Variants in CPNE4 observed in about 807,000 individuals in gnomAD.
The protein encoded by CPNE4 is copine 4.
Under a neutral mutation model 67.9 loss-of-function variants are expected in CPNE4, and 25 were observed. The ratio of observed to expected loss-of-function variants is 0.37; its 90% CI spans 0.27 to 0.51. The LOEUF is 0.51. Among genes scored for constraint, CPNE4 ranks in the 20% least tolerant of loss-of-function variants. The probability of loss-of-function intolerance (pLI) is 0.93; values close to 1 mark genes in which losing one functional copy is unlikely to be tolerated. For missense variants in CPNE4, 464 were observed against 690.8 expected, an observed-to-expected ratio of 0.67 and a Z score of 3.68; for synonymous variants, 242 against 244.9, an observed-to-expected ratio of 0.99 and a Z score of 0.11.
intron 2 of CPNE4, among the ~76,000 whole-genome samples, chr3:131,868,277 TA>T (rs1370414848): frequency 2.0e-5 from 3 of 152,188 alleles, no homozygotes; most frequent in Non-Finnish European, 2.9e-5. Context: ...GACACCTCTC[TA>T]CGTTCTGGCA....
At chr3:131,729,129 G>T (rs1259556837) in intron 2 of CPNE4, among the ~76,000 whole-genome samples, 1 of 152,062 alleles carries the variant, frequency 6.6e-6, no homozygotes, top group East Asian at 1.9e-4. Flanking sequence ...ATGCTCTAAG[G>T]TTTCCTGGAG....
chr3:131,538,929 C>T (rs1935325942), intron 15 of CPNE4: 1 of 152,208 alleles, frequency 6.6e-6, no homozygotes, highest in African/African-American at 2.4e-5. Flanking sequence ...GAGCCAAATA[C>T]ACTTCTGTTC....
In CPNE4 at chr3:131,986,874, A is replaced by C. The variant is rs1345306748; in HGVS notation, c.-2+47693T>G. On this transcript the variant is annotated intron_variant, in intron 1 of 15. Coordinates refer to ENST00000429747, the MANE Select transcript of CPNE4 (RefSeq NM_130808.3). ...AAAACAAAAACAAACAAACAAAAAA[A>C]AAAAAACAAAGAACTTAAGGATAGA... Among the ~76,000 whole-genome samples the C allele has an allele frequency of 3.0e-4, 46 of 152,020 alleles. 1 individual carries two copies. Among genetic ancestry groups the C allele is most frequent in the African/African-American group, 9.9e-4 (41 of 41,484 alleles).
intron 2 of CPNE4, among the ~76,000 whole-genome samples, chr3:131,902,675 A>C (rs772930522): frequency 2.6e-5 from 4 of 152,160 alleles, no homozygotes; most frequent in African/African-American, 7.2e-5. Context: ...TCATATGAGA[A>C]TATGCATGCC....
chr3:131,592,165 C>G (rs767447557), intron 7 of CPNE4, among the ~76,000 whole-genome samples: 36 of 152,192 alleles, frequency 2.4e-4, no homozygotes, highest in Non-Finnish European at 4.9e-4. Context: ...CACTACCACA[C>G]AAACACAAAT....
intron 1 of CPNE4, among the ~76,000 whole-genome samples, chr3:132,020,517 C>T (rs1390346989): frequency 6.6e-6 from 1 of 152,172 alleles, no homozygotes; most frequent in Non-Finnish European, 1.5e-5. Context: ...TGAAGGGTGG[C>T]ATAGTATATG....
intron 2 of CPNE4, among the ~76,000 whole-genome samples, chr3:131,758,006 C>T (rs2082794120): frequency 6.6e-6 from 1 of 152,232 alleles, no homozygotes; most frequent in African/African-American, 2.4e-5. Context: ...CCTGGATTCC[C>T]AGGCAAAAGT....
intron 9 of CPNE4, among the ~76,000 whole-genome samples, chr3:131,578,294 T>C (rs1417826608): frequency 2.6e-5 from 4 of 152,184 alleles, no homozygotes; most frequent in Non-Finnish European, 5.9e-5. Context: ...GTTGTAATTA[T>C]TTTGGGGTGC....
intron 2 of CPNE4, among the ~76,000 whole-genome samples, chr3:131,886,054 G>A (rs2087873962): frequency 6.6e-6 from 1 of 152,164 alleles, no homozygotes; most frequent in South Asian, 2.1e-4. Flanking sequence ...TGGCAAAAAT[G>A]TCTCCAGGAC....
At chr3:131,908,464 A>G (rs891307349) in intron 1 of CPNE4, among the ~76,000 whole-genome samples, 27 of 152,078 alleles carry the variant, frequency 1.8e-4, no homozygotes, top group African/African-American at 5.8e-4. Flanking sequence ...TCTTCAATCA[A>G]TATCTTCCTG....
chr3:132,000,675 A>C (rs1301372658), intron 1 of CPNE4, among the ~76,000 whole-genome samples: 1 of 151,770 alleles, frequency 6.6e-6, no homozygotes, highest in African/African-American at 2.4e-5. Context: ...GAGAGCTGAC[A>C]ATTTGGGTAT....
At chr3:131,559,880 T>C (rs1160464776) in intron 11 of CPNE4, among the ~76,000 whole-genome samples, 4 of 152,090 alleles carry the variant, frequency 2.6e-5, no homozygotes, top group African/African-American at 9.7e-5. Flanking sequence ...AGTTTTATTA[T>C]AAAATGTCCA....
chr3:131,783,411 G>A (rs532988101), intron 2 of CPNE4, among the ~76,000 whole-genome samples: 91 of 152,220 alleles, frequency 6.0e-4, no homozygotes, highest in African/African-American at 1.9e-3. Context: ...TAAAGCAGTT[G>A]TAACACTTGG....
intron 2 of CPNE4, among the ~76,000 whole-genome samples, chr3:131,771,403 T>A (rs2083162961): frequency 6.6e-6 from 1 of 152,014 alleles, no homozygotes; most frequent in African/African-American, 2.4e-5. Context: ...GGTCATGGGG[T>A]CAGATCCCTC....
chr3:131,951,525 TCCTTCA>T (rs1428496049), intron 1 of CPNE4, among the ~76,000 whole-genome samples: 2 of 152,052 alleles, frequency 1.3e-5, no homozygotes, highest in Non-Finnish European at 2.9e-5. Flanking sequence ...CCTCTCCCTC[TCCTTCA>T]CCCTCTCCCC....
At chr3:131,902,060 G>A (rs1294976963) in intron 2 of CPNE4, among the ~76,000 whole-genome samples, 1 of 139,408 alleles carries the variant, frequency 7.2e-6, no homozygotes, top group Non-Finnish European at 1.5e-5. Context: ...TTAGCCACCT[G>A]GCATGCACTT....
intron 10 of CPNE4, among the ~76,000 whole-genome samples, chr3:131,568,689 A>G (rs952608693): frequency 1.3e-5 from 2 of 152,024 alleles, no homozygotes; most frequent in Non-Finnish European, 2.9e-5. Flanking sequence ...TGCCCCCTCC[A>G]TGACACCAAG....
At chr3:132,028,830 A>AG (rs1182775879) in intron 1 of CPNE4, among the ~76,000 whole-genome samples, 1 of 79,836 alleles carries the variant, frequency 1.3e-5, no homozygotes, top group Non-Finnish European at 3.1e-5. Context: ...ATTTAGTACT[A>AG]GAAAAAAAAG....
chr3:131,641,145 G>T (rs73001263), intron 7 of CPNE4, among the ~76,000 whole-genome samples: 1 of 151,882 alleles, frequency 6.6e-6, no homozygotes, highest in Non-Finnish European at 1.5e-5. Context: ...AGCAAATGCA[G>T]CAAAAATAAA....
Sources: allele counts gnomAD v4.1 joint callset (sites outside exome capture counted in the v4.1 genomes callset), GRCh38; gene constraint gnomAD v4.1.1; transcripts MANE v1.5; gene names NCBI Gene and HGNC (gene_info 2026-07-23, HGNC 2026-07-21).